Variants in YIPF4 observed in about 807,000 individuals in gnomAD.
The protein encoded by YIPF4 is Yip1 domain family member 4, also known as protein YIPF4.
Under a neutral mutation model 29.4 loss-of-function variants are expected in YIPF4, and 18 were observed. The observed-to-expected ratio is 0.61, with a 90% CI of 0.42 to 0.91. The LOEUF is 0.91. Among genes scored for constraint, YIPF4 ranks in the 40% least tolerant of loss-of-function variants. YIPF4 has a pLI of 0.00. For missense variants in YIPF4, 279 were observed against 282.7 expected, an observed-to-expected ratio of 0.99 and a Z score of 0.09; for synonymous variants, 115 against 104.7, an observed-to-expected ratio of 1.10 and a Z score of -0.60.
chr2:32,285,571 T>G (rs1025629001), intron 1 of YIPF4, among the ~76,000 whole-genome samples: 2 of 152,226 alleles, frequency 1.3e-5, no homozygotes, highest in African/African-American at 4.8e-5. Flanking sequence ...TTCAGCCTAT[T>G]CTTTGTTTGA....
intron 5 of YIPF4, among the ~76,000 whole-genome samples, chr2:32,301,892 A>G (rs921924890): frequency 6.6e-6 from 1 of 151,920 alleles, no homozygotes; most frequent in African/African-American, 2.4e-5. Context: ...TTTAGTAGAG[A>G]TGGGGTTTCA....
At chr2:32,304,738 G>C (rs1477011009) in intron 5 of YIPF4, among the ~76,000 whole-genome samples, 1 of 152,160 alleles carries the variant, frequency 6.6e-6, no homozygotes, top group Non-Finnish European at 1.5e-5. Context: ...GTTCCTATTA[G>C]AGTTTCCCTG....
intron 3 of YIPF4, among the ~76,000 whole-genome samples, chr2:32,297,376 C>G (rs965679982): frequency 3.3e-5 from 5 of 152,094 alleles, no homozygotes; most frequent in Non-Finnish European, 7.4e-5. Flanking sequence ...CTGCCTCAGC[C>G]TCCCAAAGTG....
intron 3 of YIPF4, among the ~76,000 whole-genome samples, chr2:32,294,716 G>A (rs1447220462): frequency 6.6e-6 from 1 of 152,194 alleles, no homozygotes; most frequent in Non-Finnish European, 1.5e-5. Flanking sequence ...CAAGGCAGGC[G>A]GCTGGGAGGT....
At position 32,290,539 on chromosome 2, in the gene YIPF4, A is replaced by G. The variant is rs751823474; in HGVS notation, c.136A>G (p.Ile46Val). ...CAAATTAAATCTTGGTGGAGATTTT[A>G]TCAAAGAATCTACAGCTACTACATT... Reference protein sequence around the residue: ...DVKLNLGGDFIKESTATTFLR... With the variant: ...DVKLNLGGDFVKESTATTFLR... Residue 46 changes from isoleucine (I) to valine (V), a missense_variant, in exon 2 of 6, where the codon ATC (isoleucine) becomes GTC (valine). Physicochemically the swap from Ile to Val is conservative, Grantham distance 29 (BLOSUM62 3). Coordinates refer to ENST00000238831, the MANE Select transcript of YIPF4 (RefSeq NM_032312.4). The G allele has an allele frequency of 2.5e-6, 4 of 1,583,266 alleles. No homozygotes were observed. Among genetic ancestry groups the G allele is most frequent in the African/African-American group, 1.4e-5 (1 of 73,262 alleles).
At chr2:32,292,574 T>C (rs1191239989) in intron 3 of YIPF4, among the ~76,000 whole-genome samples, 6 of 152,026 alleles carry the variant, frequency 3.9e-5, no homozygotes, top group Non-Finnish European at 7.4e-5. Flanking sequence ...AAAGTATTAG[T>C]ATTTGTGGGC....
At chr2:32,284,360 G>T (rs1219155155) in intron 1 of YIPF4, among the ~76,000 whole-genome samples, 2 of 152,208 alleles carry the variant, frequency 1.3e-5, no homozygotes, top group African/African-American at 4.8e-5. Context: ...TTGGATTTGT[G>T]TCCCTGCCCA....
At chr2:32,303,542 G>A (rs934885962) in intron 5 of YIPF4, among the ~76,000 whole-genome samples, 5 of 151,842 alleles carry the variant, frequency 3.3e-5, no homozygotes, top group African/African-American at 4.8e-5. Flanking sequence ...AAAATTAGCC[G>A]GGCATGGTGG....
intron 1 of YIPF4, among the ~76,000 whole-genome samples, chr2:32,286,900 G>T (rs1247817650): frequency 1.3e-5 from 2 of 152,154 alleles, no homozygotes; most frequent in Non-Finnish European, 2.9e-5. Flanking sequence ...ACAAGATTAT[G>T]CACATGCATT....
Position 32,295,389 on chromosome 2 carries a change from C to T in YIPF4, c.406-2845C>T, listed in dbSNP as rs557799299. The stretch of plus-strand genomic sequence containing the variant: ...TAAATAATACAGATTTATTATTTTA[C>T]GGTTCTGGATGTCAGGAGTCCAAAA... On this transcript the variant is annotated intron_variant, in intron 3 of 5. Coordinates refer to ENST00000238831, the MANE Select transcript of YIPF4 (RefSeq NM_032312.4). Among the ~76,000 whole-genome samples the T allele has an allele frequency of 7.2e-5, 11 of 152,222 alleles. No individual in the cohort carries two copies. In the East Asian group the frequency reaches 7.7e-4, roughly 11 times the overall value.
chr2:32,304,909 T>C (rs1434964093), intron 5 of YIPF4, among the ~76,000 whole-genome samples: 2 of 152,198 alleles, frequency 1.3e-5, no homozygotes, highest in Admixed American at 6.5e-5. Flanking sequence ...CAAAATGTGA[T>C]CTTTTTATCT....
intron 2 of YIPF4, 193 bp downstream of exon 2, chr2:32,290,829 A>C (rs2030879434): frequency 3.3e-6 from 1 of 298,786 alleles, no homozygotes; most frequent in Admixed American, 5.1e-5. Context: ...AAAGACAAAA[A>C]TTAAAAGAAT....
At position 32,308,370 on chromosome 2, in the gene YIPF4, A is replaced by G. The variant is rs1489106848; in HGVS notation, c.*2744A>G. ...GTGATCCGCCCGCCTCAGCCTCCCA[A>G]AGTGCCGGGATTACAGGTGTCAGCC... On this transcript the variant is annotated 3_prime_UTR_variant, in exon 6 of 6. Coordinates refer to ENST00000238831, the MANE Select transcript of YIPF4 (RefSeq NM_032312.4). 3 of 152,214 alleles carry G rather than the reference A, an allele frequency of 2.0e-5. No individual in the cohort carries two copies. Among genetic ancestry groups the G allele is most frequent in the Non-Finnish European group, 4.4e-5 (3 of 68,230 alleles). The allele number at this position is 152,214 out of a possible 1,614,324, so 9.4% of individuals were successfully genotyped here. A position where few individuals can be genotyped will look rare whatever the true frequency, so the allele number is the denominator to read the frequency against.
intron 1 of YIPF4, among the ~76,000 whole-genome samples, chr2:32,283,073 T>G (rs1335958893): frequency 7.9e-6 from 1 of 126,624 alleles, no homozygotes; most frequent in Non-Finnish European, 1.6e-5. Context: ...TGAGACTGTC[T>G]CAAAAAAAAA....
chr2:32,298,899 A>G (rs1424541648), intron 4 of YIPF4, among the ~76,000 whole-genome samples: 2 of 151,446 alleles, frequency 1.3e-5, no homozygotes, highest in Admixed American at 6.6e-5. Context: ...TTTTTTTGAG[A>G]TGGAGTCTCG....
intron 1 of YIPF4, among the ~76,000 whole-genome samples, chr2:32,278,617 G>A (rs2030222746): frequency 6.6e-6 from 1 of 152,132 alleles, no homozygotes; most frequent in East Asian, 1.9e-4. Flanking sequence ...GAAAAAGGAA[G>A]GAGGGCTGTT....
intron 1 of YIPF4, among the ~76,000 whole-genome samples, chr2:32,287,296 T>C (rs1408810990): frequency 6.6e-6 from 1 of 152,126 alleles, no homozygotes; most frequent in East Asian, 1.9e-4. Context: ...TTTATTAATA[T>C]CTTTTAGTGC....
At position 32,305,338 on chromosome 2, in the gene YIPF4, GT is replaced by G. The variant is rs1366328174; in HGVS notation, c.598-146del. On this transcript the variant is annotated intron_variant, in intron 5 of 5. Coordinates refer to ENST00000238831, the MANE Select transcript of YIPF4 (RefSeq NM_032312.4). Reference sequence around the variant, plus strand: ...GAGCAAAGATGGACATTCTTAATAAGTTTTTAACATTTGTAACAAGTTTTAC... The same window carrying G: ...GAGCAAAGATGGACATTCTTAATAAGTTTTAACATTTGTAACAAGTTTTAC... 24 of 920,838 alleles carry G rather than the reference GT, an allele frequency of 2.6e-5. 2 individuals carry two copies. The South Asian group carries it at 6.6e-4, about 25-fold the overall frequency. The allele number at this position is 920,838 out of a possible 1,614,324, so 57.0% of individuals were successfully genotyped here.
rs2148963652 is a variant in YIPF4 at position 32,294,681 on chromosome 2, C to T, written c.405+2333C>T. The stretch of plus-strand genomic sequence containing the variant: ...AGACGGGGTGGCGGCCGGGCAGAGG[C>T]TGCATTCTCGGCACTTTGGGAGGCC... On this transcript the variant is annotated intron_variant, in intron 3 of 5. Coordinates refer to ENST00000238831, the MANE Select transcript of YIPF4 (RefSeq NM_032312.4). Among the ~76,000 whole-genome samples the T allele has an allele frequency of 2.0e-5, 3 of 152,326 alleles. 1 individual carries two copies. The South Asian group carries it at 6.2e-4, about 32-fold the overall frequency.
Sources: allele counts gnomAD v4.1 joint callset (sites outside exome capture counted in the v4.1 genomes callset), GRCh38; gene constraint gnomAD v4.1.1; transcripts MANE v1.5; gene names NCBI Gene and HGNC (gene_info 2026-07-23, HGNC 2026-07-21).